MTHFD1L: variants seen among roughly 807,000 people sequenced by gnomAD.
MTHFD1L encodes the protein methylenetetrahydrofolate dehydrogenase (NADP+ dependent) 1 like.
A neutral mutation model predicts 119.5 loss-of-function variants in MTHFD1L; 81 were observed. The observed-to-expected ratio is 0.68, with a 90% confidence interval of 0.57 to 0.82. MTHFD1L has a LOEUF of 0.82. MTHFD1L is among the 40% of genes least tolerant of loss of function. The pLI, the probability that MTHFD1L is intolerant of heterozygous loss-of-function variation, is 0.00. For missense variants in MTHFD1L, 1,125 were observed against 1,253.4 expected (o/e 0.90, Z 1.55); for synonymous variants, 430 against 475.2 (o/e 0.90, Z 1.24).
At chr6:150,925,863 A>G (rs1397247654) in intron 10 of MTHFD1L, among the ~76,000 whole-genome samples, 2 of 152,138 alleles carry the variant, frequency 1.3e-5, no homozygotes, top group African/African-American at 4.8e-5. Context: ...TCTTGTCTCT[A>G]TGCCATAGGT....
chr6:151,013,896 C>G, intron 22 of MTHFD1L, 76 bp downstream of exon 22: 3 of 1,277,790 alleles, frequency 2.3e-6, no homozygotes, highest in African/African-American at 1.5e-5. Flanking sequence ...GTGAATGAGC[C>G]CTCCTTCAGT....
At chr6:150,876,037 C>T in intron 1 of MTHFD1L, 53 bp from the exon 2 acceptor site, 2 of 1,360,964 alleles carry the variant, frequency 1.5e-6, no homozygotes, top group South Asian at 1.2e-5. Context: ...TTGTGTCAGT[C>T]CTTTCTACTC....
At chr6:150,947,223 T>C (rs1794122540) in intron 15 of MTHFD1L, among the ~76,000 whole-genome samples, 1 of 150,684 alleles carries the variant, frequency 6.6e-6, no homozygotes, top group Admixed American at 6.6e-5. Flanking sequence ...GCCTTCTGAG[T>C]AGCTGGGATT....
At chr6:151,019,136 A>G (rs1236790929) in intron 24 of MTHFD1L, among the ~76,000 whole-genome samples, 1 of 151,460 alleles carries the variant, frequency 6.6e-6, no homozygotes, top group Non-Finnish European at 1.5e-5. Flanking sequence ...CAGGGTACCT[A>G]CAACCCTTGG....
In MTHFD1L at chr6:150,909,896, A is replaced by C. The variant is rs536819083; in HGVS notation, c.892+4135A>C. On this transcript the variant is annotated intron_variant, in intron 8 of 27. Transcript: ENST00000367321. The stretch of plus-strand genomic sequence containing the variant: ...GAAGGGAGACATTAGAACTTACTGG[A>C]GGCTGGGCGTGGTGTGGCTCATGCC... Among the ~76,000 whole-genome samples the C allele has an allele frequency of 5.3e-5, 8 of 152,236 alleles. No individual in the cohort carries two copies. In the East Asian group the frequency reaches 1.5e-3, roughly 29 times the overall value.
intron 27 of MTHFD1L, among the ~76,000 whole-genome samples, chr6:151,096,127 C>T (rs1794878795): frequency 6.6e-6 from 1 of 152,134 alleles, no homozygotes; most frequent in African/African-American, 2.4e-5. Flanking sequence ...AAAGATGATA[C>T]CAGCTATTTG....
chr6:151,083,718 C>A (rs2128636300), intron 26 of MTHFD1L, among the ~76,000 whole-genome samples: 1 of 152,074 alleles, frequency 6.6e-6, no homozygotes, highest in East Asian at 1.9e-4. Context: ...AAATATGTTA[C>A]TTTGACTAAA....
intron 21 of MTHFD1L, among the ~76,000 whole-genome samples, chr6:151,010,653 C>T (rs1782082539): frequency 6.6e-6 from 1 of 152,066 alleles, no homozygotes; most frequent in African/African-American, 2.4e-5. Context: ...AAAACCTGTG[C>T]ATAGATTTTT....
At chr6:150,969,154 G>A (rs1038509215) in intron 19 of MTHFD1L, among the ~76,000 whole-genome samples, 5 of 151,368 alleles carry the variant, frequency 3.3e-5, no homozygotes, top group Middle Eastern at 3.2e-3. Context: ...GCAAATTTTT[G>A]TATTTTTAGT....
At chr6:150,881,802 G>A (rs1225540113) in intron 4 of MTHFD1L, among the ~76,000 whole-genome samples, 2 of 152,120 alleles carry the variant, frequency 1.3e-5, no homozygotes, top group African/African-American at 2.4e-5. Context: ...CAGAGTAAGT[G>A]CTCAAACCAT....
At chr6:150,921,055 G>A (rs1788833417) in intron 9 of MTHFD1L, among the ~76,000 whole-genome samples, 2 of 146,750 alleles carry the variant, frequency 1.4e-5, no homozygotes, top group African/African-American at 5.1e-5. Context: ...GGGCTCAAGT[G>A]ATTCTCCCGC....
chr6:150,992,836 G>T (rs932355311), intron 20 of MTHFD1L, among the ~76,000 whole-genome samples: 1 of 152,232 alleles, frequency 6.6e-6, no homozygotes, highest in African/African-American at 2.4e-5. Flanking sequence ...GCAGGGCTAC[G>T]ACTCTCTCTG....
intron 16 of MTHFD1L, among the ~76,000 whole-genome samples, chr6:150,950,135 T>TCC (rs1794633298): frequency 6.6e-6 from 1 of 152,164 alleles, no homozygotes; most frequent in Non-Finnish European, 1.5e-5. Context: ...AACAGAGATA[T>TCC]CCCGTTGTGA....
At chr6:150,907,894 G>GA (rs1786205778) in intron 8 of MTHFD1L, among the ~76,000 whole-genome samples, 1 of 142,430 alleles carries the variant, frequency 7.0e-6, no homozygotes, top group South Asian at 2.2e-4. Flanking sequence ...ACCGCTCTGT[G>GA]AAATTTTTTT....
intron 19 of MTHFD1L, among the ~76,000 whole-genome samples, chr6:150,966,639 C>G (rs142092081): frequency 0.025 from 3,756 of 152,238 alleles, 195 homozygotes; most frequent in Admixed American, 0.14. Flanking sequence ...GCCTGGCCAA[C>G]ATAGTGAATC....
In MTHFD1L at chr6:150,968,846, CTTTTTTTTT is replaced by C. The variant is rs145806257; in HGVS notation, c.2014-3090_2014-3082del. Among the ~76,000 whole-genome samples the C allele has an allele frequency of 1.7e-3, 189 of 108,518 alleles. 2 individuals carry two copies. Among genetic ancestry groups the C allele is most frequent in the African/African-American group, 6.3e-3 (176 of 27,976 alleles). 71.2% of individuals were successfully genotyped at this position (108,518 alleles called of 152,430 possible). On this transcript the variant is annotated intron_variant, in intron 19 of 27. Coordinates refer to ENST00000367321, the MANE Select transcript of MTHFD1L (RefSeq NM_015440.5). ...AATCATTTTCTTGTTTTAAATAATT[CTTTTTTTTT>C]TTTTTTTTTTGAAACGGAGTTTTGC... is the stretch of plus-strand genomic sequence containing the variant.
intron 26 of MTHFD1L, among the ~76,000 whole-genome samples, chr6:151,054,061 T>C (rs540230757): frequency 6.5e-4 from 99 of 152,252 alleles, no homozygotes; most frequent in Non-Finnish European, 1.2e-3. Context: ...TATTTTGAGA[T>C]GGAAACATTT....
rs796193470 is a variant in MTHFD1L at position 151,092,652 on chromosome 6, A to ATT, written c.*31+74_*31+75dup. 459 of 869,772 alleles carry ATT rather than the reference A, an allele frequency of 5.3e-4. 4 individuals are homozygous for ATT. In the African/African-American group the frequency reaches 6.9e-3, roughly 13 times the overall value. 53.9% of individuals were successfully genotyped at this position (869,772 alleles called of 1,614,324 possible). A position where few individuals can be genotyped will look rare whatever the true frequency, so the allele number is the denominator to read the frequency against. ...TTCCAGTTCATATCCTTTTTTTGTC[A>ATT]TTTTTTTTTTCTGATACCACAGAAG... On this transcript the variant is annotated intron_variant, in intron 27 of 27. Coordinates refer to ENST00000367321, the MANE Select transcript of MTHFD1L (RefSeq NM_015440.5).
chr6:150,905,276 C>A (rs1785719944), intron 7 of MTHFD1L, among the ~76,000 whole-genome samples: 3 of 152,156 alleles, frequency 2.0e-5, no homozygotes, highest in Middle Eastern at 3.4e-3. Flanking sequence ...TCGTGATCCA[C>A]CTGCCTCAGC....
Sources: gnomAD v4.1 joint callset for allele counts (sites outside exome capture counted in the v4.1 genomes callset) on GRCh38, gnomAD v4.1.1 for gene constraint, MANE v1.5 for transcripts, NCBI Gene and HGNC (gene_info 2026-07-23, HGNC 2026-07-21) for gene names.